The following SASS6 variants were observed in gnomAD, a reference collection of about 807,000 sequenced individuals.
SASS6 encodes SAS-6 centriolar assembly protein.
A neutral mutation model predicts 94.9 loss-of-function variants in SASS6; 59 were observed. That is an observed-to-expected ratio of 0.62 (90% CI 0.50 to 0.77). The LOEUF is 0.77. Among genes scored for constraint, SASS6 ranks in the 30% least tolerant of loss-of-function variants. The pLI is 0.00. For missense variants in SASS6, 698 were observed against 734.1 expected, an observed-to-expected ratio of 0.95 and a Z score of 0.57; for synonymous variants, 264 against 270.0, an observed-to-expected ratio of 0.98 and a Z score of 0.22.
Position 100,119,090 on chromosome 1 carries a change from C to T in SASS6, c.597G>A (p.Trp199Ter). ...KQELDKLRNE[W>*]ASHTAALTNK... ...TTGTCAAGGCTGCTGTATGTGACGC[C>T]CATTCATTCCGTAACTTATCTAATT... Residue 199 changes from tryptophan to a stop codon, truncating the protein, a stop_gained, in exon 7 of 17, where the codon TGG becomes TGA. Coordinates refer to ENST00000287482, the MANE Select transcript of SASS6 (RefSeq NM_194292.3). LOFTEE classifies it high-confidence loss of function. The T allele has an allele frequency of 6.3e-7, 1 of 1,581,044 alleles. No individual in the cohort carries two copies. Among genetic ancestry groups the T allele is most frequent in the Non-Finnish European group, 8.6e-7 (1 of 1,156,968 alleles).
intron 14 of SASS6, among the ~76,000 whole-genome samples, chr1:100,091,601 C>T (rs568200177): frequency 2.2e-5 from 3 of 135,362 alleles, no homozygotes; most frequent in Admixed American, 7.7e-5. Flanking sequence ...TCTAATAACA[C>T]TGTTCAAATG....
intron 7 of SASS6, among the ~76,000 whole-genome samples, chr1:100,110,706 C>G (rs1378055966): frequency 3.3e-5 from 5 of 151,820 alleles, no homozygotes; most frequent in Non-Finnish European, 5.9e-5. Context: ...AATTTACCAC[C>G]ATGATCTTGT....
chr1:100,102,052 G>A (rs1652531342), intron 14 of SASS6, among the ~76,000 whole-genome samples: 1 of 152,056 alleles, frequency 6.6e-6, no homozygotes, highest in South Asian at 2.1e-4. Flanking sequence ...AATAAAAGCA[G>A]TGACTGGTCT....
intron 15 of SASS6, among the ~76,000 whole-genome samples, chr1:100,087,339 T>C (rs1430825698): frequency 1.3e-5 from 2 of 152,220 alleles, no homozygotes; most frequent in Non-Finnish European, 2.9e-5. Flanking sequence ...GCTAGAGAGC[T>C]GGGGATAAGA....
At chr1:100,120,117 A>T (rs1177851800) in intron 6 of SASS6, among the ~76,000 whole-genome samples, 1 of 152,234 alleles carries the variant, frequency 6.6e-6, no homozygotes, top group Non-Finnish European at 1.5e-5. Flanking sequence ...GTGGAGAACT[A>T]ATATATGACA....
In SASS6 at chr1:100,085,449, A is replaced by G; in HGVS notation, c.1868-15T>C. 1 of 1,576,506 alleles carries G rather than the reference A, an allele frequency of 6.3e-7. No homozygotes were observed. Among genetic ancestry groups the G allele is most frequent in the Non-Finnish European group, 8.7e-7 (1 of 1,146,120 alleles). ...TCTCTGATGGTCTGCAAATGAGGAC[A>G]AAAAAAGGTTACTGGTATTCATTAA... is the stretch of plus-strand genomic sequence containing the variant. On this transcript the variant is annotated splice_polypyrimidine_tract_variant and intron_variant, in intron 16 of 16. Coordinates refer to ENST00000287482, the MANE Select transcript of SASS6 (RefSeq NM_194292.3).
At position 100,107,799 on chromosome 1, in the gene SASS6, T is replaced by G. The variant is rs771294333; in HGVS notation, c.1056+11A>C. 2.5e-6 allele frequency: 4 copies of G among 1,588,078 alleles called. No individual in the cohort carries two copies. Among genetic ancestry groups the G allele is most frequent in the South Asian group, 1.1e-5 (1 of 88,204 alleles). On this transcript the variant is annotated intron_variant, in intron 9 of 16. Transcript: ENST00000287482. ...TGATTATCAATTTCTGAGAAAAATT[T>G]AAAAGTAGACCTTTTGTTCCTGGAT...
chr1:100,093,092 G>C (rs982214648), intron 14 of SASS6, among the ~76,000 whole-genome samples: 2 of 151,114 alleles, frequency 1.3e-5, no homozygotes, highest in African/African-American at 4.9e-5. Context: ...ATAATGCCTG[G>C]AGCAACCACT....
chr1:100,122,145 C>T (rs1654240604), intron 4 of SASS6, among the ~76,000 whole-genome samples: 1 of 152,178 alleles, frequency 6.6e-6, no homozygotes, highest in South Asian at 2.1e-4. Context: ...ATATTTGATG[C>T]TGCTAAATAT....
Position 100,119,129 on chromosome 1 carries a change from T to C in SASS6, c.558A>G (p.Ala186=), listed in dbSNP as rs769840690. 6.4e-7 allele frequency: 1 copy of C among 1,552,762 alleles called. No homozygotes were observed. The highest frequency in any genetic ancestry group is 8.8e-7 in the Non-Finnish European group (1 of 1,135,000). The stretch of plus-strand genomic sequence containing the variant: ...ACTTATCTAATTCTTGTTTTTTTTC[T>C]GCTAATGTCTACATTAGAGTTTAAC... ...KQLDFTRKTL[A]EKKQELDKLR... The change falls in exon 7 of 17, where the codon GCA becomes GCG. Residue 186 remains alanine, a synonymous_variant. Transcript: ENST00000287482.
intron 12 of SASS6, among the ~76,000 whole-genome samples, chr1:100,106,696 A>C (rs539617994): frequency 2.9e-4 from 44 of 152,186 alleles, no homozygotes; most frequent in South Asian, 1.0e-3. Context: ...TACAAAAAAA[A>C]CCCACAAAAT....
At position 100,084,381 on chromosome 1, in the gene SASS6, T is replaced by C; in HGVS notation, c.*947A>G. The C allele has an allele frequency of 6.6e-6, 1 of 152,158 alleles. No individual in the cohort carries two copies. The highest frequency in any genetic ancestry group is 1.9e-4 in the East Asian group (1 of 5,188). 9.4% of individuals were successfully genotyped at this position (152,158 alleles called of 1,614,324 possible). On this transcript the variant is annotated 3_prime_UTR_variant, in exon 17 of 17. Coordinates refer to ENST00000287482, the MANE Select transcript of SASS6 (RefSeq NM_194292.3). The stretch of plus-strand genomic sequence containing the variant: ...GAGGCCCTATGATTCTAGGTGAATT[T>C]TAAAAAAATTTTTCCCCAAGGAACA...
At chr1:100,091,704 ATAG>A (rs1651711047) in intron 14 of SASS6, among the ~76,000 whole-genome samples, 1 of 151,460 alleles carries the variant, frequency 6.6e-6, no homozygotes, top group South Asian at 2.1e-4. Context: ...AATGGGCTTG[ATAG>A]TAGAATGGAC....
intron 11 of SASS6, among the ~76,000 whole-genome samples, 159 bp from the exon 12 acceptor site, chr1:100,107,152 CAT>C (rs1235531589): frequency 6.6e-6 from 1 of 151,902 alleles, no homozygotes; most frequent in Non-Finnish European, 1.5e-5. Flanking sequence ...AAAATATTTA[CAT>C]GTGTATACAA....
At chr1:100,112,192 A>G (rs908907150) in intron 7 of SASS6, among the ~76,000 whole-genome samples, 1 of 152,168 alleles carries the variant, frequency 6.6e-6, no homozygotes, top group Non-Finnish European at 1.5e-5. Context: ...TTTCAAATGA[A>G]TATTCTATAG....
intron 12 of SASS6, 141 bp from the exon 13 acceptor site, chr1:100,106,044 T>C: frequency 2.0e-6 from 1 of 504,272 alleles, no homozygotes; most frequent in Non-Finnish European, 3.2e-6. Context: ...GCAATATAGG[T>C]TCACCTAAAT....
intron 14 of SASS6, among the ~76,000 whole-genome samples, chr1:100,100,249 G>C (rs1652379214): frequency 6.6e-6 from 1 of 152,166 alleles, no homozygotes; most frequent in Non-Finnish European, 1.5e-5. Flanking sequence ...CTTGGTGACA[G>C]AGTGAGACTC....
intron 14 of SASS6, among the ~76,000 whole-genome samples, chr1:100,091,630 T>TAAA (rs57639570): frequency 1.2e-5 from 1 of 83,048 alleles, no homozygotes; most frequent in Admixed American, 1.3e-4. Flanking sequence ...AAAGTCTCAT[T>TAAA]AAAAAAAAAA....
intron 7 of SASS6, among the ~76,000 whole-genome samples, chr1:100,112,610 G>A (rs769987275): frequency 1.3e-5 from 2 of 152,158 alleles, no homozygotes; most frequent in Admixed American, 6.5e-5. Context: ...GAATAGATAA[G>A]TGACAAATAT....
Sources: gnomAD v4.1 joint callset for allele counts (sites outside exome capture counted in the v4.1 genomes callset) on GRCh38, gnomAD v4.1.1 for gene constraint, MANE v1.5 for transcripts, NCBI Gene and HGNC (gene_info 2026-07-23, HGNC 2026-07-21) for gene names.